THRB: variants seen among roughly 807,000 people sequenced by gnomAD.
THRB encodes nuclear receptor subfamily 1 group A member 2.
Under a neutral mutation model 47.8 loss-of-function variants are expected in THRB, and 12 were observed. The ratio of observed to expected loss-of-function variants is 0.25; its 90% CI spans 0.16 to 0.41. The LOEUF is 0.41. Among genes scored for constraint, THRB ranks in the 10% least tolerant of loss-of-function variants. THRB has a pLI of 1.00. For missense variants in THRB, 348 were observed against 589.2 expected, an observed-to-expected ratio of 0.59 and a Z score of 4.24; for synonymous variants, 218 against 212.2, an observed-to-expected ratio of 1.03 and a Z score of -0.24.
intron 3 of THRB, among the ~76,000 whole-genome samples, chr3:24,284,076 ACTACTTTAAAGTT>A (rs1319988460): frequency 3.2e-4 from 45 of 142,294 alleles, no homozygotes; most frequent in Non-Finnish European, 5.9e-4. Flanking sequence ...ATTGGAAAAA[ACTACTTTAAAGTT>A]CATATGGAAC....
intron 1 of THRB, chr3:24,486,425 T>C (rs1697311534): frequency 6.6e-6 from 1 of 152,202 alleles, no homozygotes; most frequent in Non-Finnish European, 1.5e-5. Context: ...TTGGCAGATG[T>C]CCCATGCATT....
intron 2 of THRB, among the ~76,000 whole-genome samples, chr3:24,303,081 C>T (rs2057069354): frequency 6.6e-6 from 1 of 152,246 alleles, no homozygotes; most frequent in Admixed American, 6.5e-5. Flanking sequence ...TTCATTATGC[C>T]AGTTACATCT....
chr3:24,205,194 A>G (rs540056313), intron 4 of THRB, among the ~76,000 whole-genome samples: 48 of 152,320 alleles, frequency 3.2e-4, no homozygotes, highest in African/African-American at 1.0e-3. Flanking sequence ...TCCAAGACAC[A>G]TAATTGTCAG....
chr3:24,443,177 TCAAA>T (rs1185915419), intron 1 of THRB, among the ~76,000 whole-genome samples: 2 of 152,134 alleles, frequency 1.3e-5, no homozygotes, highest in East Asian at 1.9e-4. Flanking sequence ...AGATTCCATC[TCAAA>T]CAAACAAACG....
intron 5 of THRB, among the ~76,000 whole-genome samples, chr3:24,169,511 A>G (rs9858053): frequency 0.044 from 6,759 of 152,022 alleles, 402 homozygotes; most frequent in African/African-American, 0.13. Context: ...TTTTTTCTCG[A>G]GACAGAAATA....
At chr3:24,183,884 C>A (rs1434310828) in intron 5 of THRB, among the ~76,000 whole-genome samples, 2 of 151,970 alleles carry the variant, frequency 1.3e-5, no homozygotes, top group African/African-American at 4.8e-5. Flanking sequence ...TAACATTAAA[C>A]AAATTTATGC....
At chr3:24,212,723 A>G (rs2046187639) in intron 4 of THRB, among the ~76,000 whole-genome samples, 1 of 152,138 alleles carries the variant, frequency 6.6e-6, no homozygotes, top group African/African-American at 2.4e-5. Flanking sequence ...ACCGTCCATC[A>G]GCTGCTTTCC....
At chr3:24,310,052 A>G (rs1231973671) in intron 2 of THRB, among the ~76,000 whole-genome samples, 4 of 152,028 alleles carry the variant, frequency 2.6e-5, no homozygotes, top group Non-Finnish European at 4.4e-5. Context: ...TTGCTACCCT[A>G]AATGGGAGCC....
intron 1 of THRB, chr3:24,458,076 G>A (rs1479971817): frequency 6.6e-6 from 1 of 152,148 alleles, no homozygotes; most frequent in Admixed American, 6.5e-5. Context: ...CTATGGGGCT[G>A]GCCTAGGGTC....
chr3:24,352,874 T>C (rs1455532015), intron 1 of THRB, among the ~76,000 whole-genome samples: 1 of 152,186 alleles, frequency 6.6e-6, no homozygotes, highest in Non-Finnish European at 1.5e-5. Flanking sequence ...TTCCTTGTTT[T>C]TCAAATTCCC....
At chr3:24,458,521 G>A (rs1209813776) in intron 1 of THRB, 1 of 152,142 alleles carries the variant, frequency 6.6e-6, no homozygotes, top group Non-Finnish European at 1.5e-5. Flanking sequence ...GATTCTTTCA[G>A]TCCACTCAGT....
intron 3 of THRB, among the ~76,000 whole-genome samples, chr3:24,269,403 G>GCGCGCGCA (rs1175063428): frequency 1.7e-4 from 12 of 72,678 alleles, no homozygotes; most frequent in African/African-American, 4.8e-4. Context: ...GCGCGCGCGC[G>GCGCGCGCA]CACACACACA....
intron 1 of THRB, among the ~76,000 whole-genome samples, chr3:24,375,598 A>T (rs1335657625): frequency 1.3e-5 from 2 of 150,276 alleles, no homozygotes; most frequent in Non-Finnish European, 3.0e-5. Context: ...AGAAAAACTA[A>T]CTCAAGGAAT....
At chr3:24,286,255 C>A (rs1475957961) in intron 3 of THRB, among the ~76,000 whole-genome samples, 1 of 152,134 alleles carries the variant, frequency 6.6e-6, no homozygotes. Context: ...ATACCTCTTC[C>A]CATTTAGAAG....
At chr3:24,158,841 CCTCT>C (rs10530553) in intron 5 of THRB, among the ~76,000 whole-genome samples, 20,607 of 147,376 alleles carry the variant, frequency 0.14, 1,724 homozygotes, top group African/African-American at 0.25. Flanking sequence ...GACAGCTCTT[CCTCT>C]CTCTCTCTCT....
At chr3:24,316,435 A>T (rs1357258145) in intron 2 of THRB, among the ~76,000 whole-genome samples, 2 of 148,012 alleles carry the variant, frequency 1.4e-5, no homozygotes, top group African/African-American at 5.0e-5. Context: ...TTCAGAAGAC[A>T]TTGTGCTCAC....
chr3:24,419,940 A>G (rs2069089208), intron 1 of THRB, among the ~76,000 whole-genome samples: 1 of 151,872 alleles, frequency 6.6e-6, no homozygotes, highest in Admixed American at 6.6e-5. Flanking sequence ...TAAAAGAATA[A>G]GAGCACTGAA....
At chr3:24,298,131 G>A (rs1486059668) in intron 2 of THRB, among the ~76,000 whole-genome samples, 2 of 152,092 alleles carry the variant, frequency 1.3e-5, no homozygotes, top group Admixed American at 6.5e-5. Context: ...AAATAGGTCC[G>A]TTAAAGACTA....
chr3:24,325,700 G>A (rs13095297), intron 2 of THRB, among the ~76,000 whole-genome samples: 47,246 of 151,920 alleles, frequency 0.31, 9,487 homozygotes, highest in African/African-American at 0.55. Context: ...AAAAAGCAAG[G>A]AGAACACTTG....
Sources: allele counts gnomAD v4.1 joint callset (sites outside exome capture counted in the v4.1 genomes callset), GRCh38; gene constraint gnomAD v4.1.1; transcripts MANE v1.5; gene names NCBI Gene and HGNC (gene_info 2026-07-23, HGNC 2026-07-21).